DLGAP1: variants seen among roughly 807,000 people sequenced by gnomAD.
DLGAP1 encodes the protein disks large-associated protein 1.
DLGAP1 carries 11 observed loss-of-function variants against 90.8 expected under a neutral mutation model. The observed-to-expected ratio is 0.12, with a 90% CI of 0.08 to 0.20. The LOEUF (loss-of-function observed/expected upper bound fraction) is 0.20. Among genes scored for constraint, DLGAP1 ranks in the 10% least tolerant of loss-of-function variants. The probability of loss-of-function intolerance (pLI) is 1.00; values close to 1 mark genes in which losing one functional copy is unlikely to be tolerated. For synonymous variants in DLGAP1, 558 were observed against 540.7 expected (o/e 1.03, Z -0.44); for missense variants, 1,050 against 1,333.8 (o/e 0.79, Z 3.31).
intron 2 of DLGAP1, among the ~76,000 whole-genome samples, chr18:4,015,114 G>A (rs971840268): frequency 1.3e-5 from 2 of 152,056 alleles, no homozygotes; most frequent in African/African-American, 2.4e-5. Flanking sequence ...CATTCCTGAC[G>A]GTGACTCTTC....
chr18:3,527,891 TG>T (rs1433843435), intron 10 of DLGAP1, among the ~76,000 whole-genome samples: 2 of 152,150 alleles, frequency 1.3e-5, no homozygotes, highest in African/African-American at 4.8e-5. Flanking sequence ...CCACGCCCAG[TG>T]GGGGTATTTT....
chr18:3,906,457 A>T (rs1446371945), intron 3 of DLGAP1, among the ~76,000 whole-genome samples: 1 of 152,150 alleles, frequency 6.6e-6, no homozygotes, highest in East Asian at 1.9e-4. Flanking sequence ...CCCCCTGAAA[A>T]CACAGTCAGG....
intron 2 of DLGAP1, among the ~76,000 whole-genome samples, chr18:4,069,195 C>T (rs2075411483): frequency 6.6e-6 from 1 of 152,014 alleles, no homozygotes; most frequent in African/African-American, 2.4e-5. Flanking sequence ...GCATTTTTTC[C>T]TTGAAATTCT....
At position 3,517,106 on chromosome 18, in the gene DLGAP1, T is replaced by C. The variant is rs894079081; in HGVS notation, c.2480-8445A>G. ...TAGAGATACTCTCATCTAGGCTCTG[T>C]TGTTCTACTTATAGAGCACACTTTA... is the stretch of plus-strand genomic sequence containing the variant. On this transcript the variant is annotated intron_variant, in intron 10 of 12. Transcript: ENST00000315677. The surrounding 1 kb of genome is among the most constrained non-coding windows in gnomAD (Gnocchi z 4.1). Among the ~76,000 whole-genome samples, 4 of 152,252 alleles carry C rather than the reference T, an allele frequency of 2.6e-5. No individual in the cohort carries two copies. Among genetic ancestry groups the C allele is most frequent in the Admixed American group, 2.0e-4 (3 of 15,286 alleles).
intron 2 of DLGAP1, among the ~76,000 whole-genome samples, chr18:4,119,882 A>G (rs561701036): frequency 1.6e-4 from 24 of 152,314 alleles, no homozygotes; most frequent in African/African-American, 5.8e-4. Context: ...AAATATTCTC[A>G]CTGGCAAAAT....
intron 9 of DLGAP1, among the ~76,000 whole-genome samples, chr18:3,547,262 A>G (rs1325993671): frequency 4.2e-5 from 6 of 144,466 alleles, no homozygotes; most frequent in East Asian, 2.0e-4. Context: ...AGATCGCGCC[A>G]CTGCACTCCA....
chr18:3,541,585 G>C lies in DLGAP1; in HGVS notation c.2058-6970C>G, dbSNP rs149057079. Among the ~76,000 whole-genome samples the C allele has an allele frequency of 3.9e-3, 598 of 152,302 alleles. 2 individuals are homozygous for C. The highest frequency in any genetic ancestry group is 0.034 in the Middle Eastern group (10 of 294). On this transcript the variant is annotated intron_variant, in intron 9 of 12. Coordinates refer to ENST00000315677, the MANE Select transcript of DLGAP1 (RefSeq NM_004746.4). ...AAGCAATGTTTTTTGATTGCCAAAG[G>C]TCTTTCCAAGTCTGTGGTCCCTGAA...
intron 2 of DLGAP1, among the ~76,000 whole-genome samples, chr18:4,044,592 T>C (rs1428786577): frequency 1.3e-5 from 2 of 151,658 alleles, no homozygotes; most frequent in African/African-American, 4.8e-5. Flanking sequence ...AATACAAAAA[T>C]TAGCCAGGCA....
chr18:3,652,547 G>A (rs982066832), intron 7 of DLGAP1, among the ~76,000 whole-genome samples: 2 of 152,056 alleles, frequency 1.3e-5, no homozygotes, highest in Admixed American at 1.3e-4. Context: ...TGTGGCTCAC[G>A]GCCGTCTTGA....
chr18:4,447,628 T>A (rs1346159406), intron 1 of DLGAP1, among the ~76,000 whole-genome samples: 1 of 152,094 alleles, frequency 6.6e-6, no homozygotes, highest in African/African-American at 2.4e-5. Context: ...TATTTAATTT[T>A]TGGTGTTCCT....
At chr18:3,795,231 AACAGAC>A (rs1016814883) in intron 5 of DLGAP1, among the ~76,000 whole-genome samples, 13 of 152,314 alleles carry the variant, frequency 8.5e-5, no homozygotes, top group African/African-American at 2.4e-4. Context: ...AATTCCTTGA[AACAGAC>A]ACAGAGATTT....
At chr18:3,843,392 G>C (rs970663855) in intron 4 of DLGAP1, among the ~76,000 whole-genome samples, 1 of 152,180 alleles carries the variant, frequency 6.6e-6, no homozygotes, top group African/African-American at 2.4e-5. Flanking sequence ...CGGATAAAAA[G>C]CTCTGCTGGT....
intron 3 of DLGAP1, among the ~76,000 whole-genome samples, chr18:3,910,350 T>C (rs2072004939): frequency 6.6e-6 from 1 of 152,004 alleles, no homozygotes; most frequent in Non-Finnish European, 1.5e-5. Flanking sequence ...ACTACTATTA[T>C]CCACTGCAGA....
At chr18:3,607,979 C>T (rs1391139364) in intron 7 of DLGAP1, 2 of 152,254 alleles carry the variant, frequency 1.3e-5, no homozygotes, top group African/African-American at 4.8e-5. Context: ...ACTTTGTCAT[C>T]TGCAAGGGAT....
chr18:3,593,125 G>GC (rs1371399581), intron 7 of DLGAP1, among the ~76,000 whole-genome samples: 1 of 150,450 alleles, frequency 6.6e-6, no homozygotes, highest in Non-Finnish European at 1.5e-5. Flanking sequence ...TATCTCCCCC[G>GC]CCCCCCGCCA....
At chr18:3,641,390 A>G (rs2058932450) in intron 7 of DLGAP1, among the ~76,000 whole-genome samples, 1 of 151,550 alleles carries the variant, frequency 6.6e-6, no homozygotes, top group African/African-American at 2.4e-5. Context: ...TACAAAAATT[A>G]GCTGGGTGTG....
In DLGAP1 at chr18:3,969,793, A is replaced by G. The variant is rs114634864; in HGVS notation, c.-73+35323T>C. 4.6e-3 allele frequency among the ~76,000 whole-genome samples: 701 copies of G among 152,274 alleles called. 5 individuals carry two copies. The highest frequency in any genetic ancestry group is 0.016 in the African/African-American group (652 of 41,562). Reference sequence around the variant, plus strand: ...ATTCTATGTCTGTCAGCTTGCAGTTAAGGAGGCTCTAGCCAGCGATGATCC... The same window carrying G: ...ATTCTATGTCTGTCAGCTTGCAGTTGAGGAGGCTCTAGCCAGCGATGATCC... On this transcript the variant is annotated intron_variant, in intron 3 of 12. Transcript: ENST00000315677.
At chr18:4,362,973 C>T (rs2081661782) in intron 1 of DLGAP1, among the ~76,000 whole-genome samples, 1 of 152,068 alleles carries the variant, frequency 6.6e-6, no homozygotes, top group Admixed American at 6.6e-5. Context: ...ACCCCAATCC[C>T]CTTGGCATTA....
At chr18:4,012,956 C>T (rs2074453900) in intron 2 of DLGAP1, among the ~76,000 whole-genome samples, 2 of 152,182 alleles carry the variant, frequency 1.3e-5, no homozygotes, top group Admixed American at 6.5e-5. Flanking sequence ...CCTCCTGCCT[C>T]GTCCTCCCAA....
Sources: allele counts gnomAD v4.1 joint callset (sites outside exome capture counted in the v4.1 genomes callset), GRCh38; gene constraint gnomAD v4.1.1; non-coding constraint Gnocchi (gnomAD v3.1); transcripts MANE v1.5; gene names NCBI Gene and HGNC (gene_info 2026-07-23, HGNC 2026-07-21).